SYN3: variants seen among roughly 807,000 people sequenced by gnomAD.
SYN3 encodes the protein synapsin III.
A neutral mutation model predicts 65.8 loss-of-function variants in SYN3; 35 were observed. The ratio of observed to expected loss-of-function variants is 0.53; its 90% confidence interval spans 0.41 to 0.70. The LOEUF is 0.70. SYN3 is among the 30% of genes least tolerant of loss of function. SYN3 has a pLI of 0.00. For missense variants in SYN3, 680 were observed against 749.0 expected, an observed-to-expected ratio of 0.91 and a Z score of 1.08; for synonymous variants, 270 against 292.9, an observed-to-expected ratio of 0.92 and a Z score of 0.80.
rs2046607202 is a variant in SYN3 at position 32,802,202 on chromosome 22, C to T, written c.711+62713G>A. On this transcript the variant is annotated intron_variant, in intron 6 of 13. Coordinates refer to ENST00000358763, the MANE Select transcript of SYN3 (RefSeq NM_003490.4). ...CTGCTTAGGGAGGCAGGGCGAGCCC[C>T]ACTCCTTTCCTCTGCCCCAGGAGAG... The T allele has an allele frequency of 4.0e-6, 6 of 1,513,130 alleles. No homozygotes were observed. The South Asian group carries it at 7.4e-5, about 19-fold the overall frequency. 93.7% of individuals were successfully genotyped at this position (1,513,130 alleles called of 1,614,324 possible).
chr22:32,770,320 T>C (rs894351626), intron 6 of SYN3, among the ~76,000 whole-genome samples: 1 of 152,172 alleles, frequency 6.6e-6, no homozygotes, highest in African/African-American at 2.4e-5. Context: ...CCTTCAGATG[T>C]AAGTCAAATG....
At position 32,989,220 on chromosome 22, in the gene SYN3, T is replaced by G. The variant is rs62234229; in HGVS notation, c.312-8518A>C. Among the ~76,000 whole-genome samples the G allele has an allele frequency of 4.9e-3, 750 of 152,320 alleles. 2 individuals are homozygous for G. Among genetic ancestry groups the G allele is most frequent in the Middle Eastern group, 0.014 (4 of 294 alleles). On this transcript the variant is annotated intron_variant, in intron 2 of 13. Coordinates refer to ENST00000358763, the MANE Select transcript of SYN3 (RefSeq NM_003490.4). ...AGGCCAGTGTCAACCTTCCTGAACC[T>G]TGGTTTCCTTAACTGTAAAAATAAG...
chr22:32,516,749 C>T (rs564880937), intron 13 of SYN3, among the ~76,000 whole-genome samples: 4 of 152,310 alleles, frequency 2.6e-5, no homozygotes, highest in African/African-American at 4.8e-5. Flanking sequence ...GACTGGATGT[C>T]GTGGGTCTAA....
chr22:32,981,331 A>G (rs1244814569), intron 2 of SYN3, among the ~76,000 whole-genome samples: 3 of 150,362 alleles, frequency 2.0e-5, no homozygotes, highest in African/African-American at 4.9e-5. Context: ...CACGCCTGTA[A>G]TCCCAGCACT....
intron 8 of SYN3, among the ~76,000 whole-genome samples, chr22:32,539,483 GA>G (rs150198585): frequency 0.048 from 6,763 of 142,110 alleles, 186 homozygotes; most frequent in Non-Finnish European, 0.07. Context: ...GGAACATATA[GA>G]AAAAATTATG....
intron 7 of SYN3, among the ~76,000 whole-genome samples, chr22:32,568,412 G>A (rs2058701921): frequency 6.6e-6 from 1 of 152,188 alleles, no homozygotes; most frequent in South Asian, 2.1e-4. Flanking sequence ...TTCTAGTCAG[G>A]GAAATGGAAA....
At chr22:32,686,057 G>A (rs5998577) in intron 6 of SYN3, among the ~76,000 whole-genome samples, 27,078 of 152,044 alleles carry the variant, frequency 0.18, 2,513 homozygotes, top group South Asian at 0.27. Flanking sequence ...TTTTCTCTGG[G>A]TATTGGAATT....
intron 4 of SYN3, among the ~76,000 whole-genome samples, chr22:32,913,857 A>C (rs1212886597): frequency 6.6e-6 from 1 of 152,204 alleles, no homozygotes; most frequent in African/African-American, 2.4e-5. Context: ...AGGAACAAAT[A>C]AAAATAGCAA....
At position 32,573,256 on chromosome 22, in the gene SYN3, A is replaced by C. The variant is rs557370835; in HGVS notation, c.774+23418T>G. Reference sequence around the variant, plus strand: ...TTGATTGTCATTTTGTTAAAATAAAATATTTAAAAGCTTGACTTTAAAGCA... The same window carrying C: ...TTGATTGTCATTTTGTTAAAATAAACTATTTAAAAGCTTGACTTTAAAGCA... On this transcript the variant is annotated intron_variant, in intron 7 of 13. Coordinates refer to ENST00000358763, the MANE Select transcript of SYN3 (RefSeq NM_003490.4). Among the ~76,000 whole-genome samples, 12 of 152,318 alleles carry C rather than the reference A, an allele frequency of 7.9e-5. No individual in the cohort carries two copies. The South Asian group carries it at 2.5e-3, about 32-fold the overall frequency.
At chr22:32,640,671 C>T (rs1030538822) in intron 6 of SYN3, among the ~76,000 whole-genome samples, 5 of 151,972 alleles carry the variant, frequency 3.3e-5, no homozygotes, top group Admixed American at 6.6e-5. Flanking sequence ...TCGAGACCAT[C>T]CTGGCTGACA....
chr22:32,742,936 T>G (rs1167128857), intron 6 of SYN3, among the ~76,000 whole-genome samples: 1 of 152,168 alleles, frequency 6.6e-6, no homozygotes, highest in African/African-American at 2.4e-5. Context: ...AAATCCTCAC[T>G]AAGACCCTAT....
At chr22:32,787,550 G>A (rs771173288) in intron 6 of SYN3, among the ~76,000 whole-genome samples, 4 of 152,172 alleles carry the variant, frequency 2.6e-5, no homozygotes, top group Non-Finnish European at 5.9e-5. Context: ...TTGTTGTGAA[G>A]ATTCACTATT....
intron 6 of SYN3, among the ~76,000 whole-genome samples, chr22:32,622,701 CT>C (rs1170700519): frequency 7.6e-6 from 1 of 131,542 alleles, no homozygotes; most frequent in African/African-American, 3.0e-5. Context: ...TGCAAAGGGG[CT>C]GTGGATCTCC....
At chr22:32,667,157 T>C (rs1361944126) in intron 6 of SYN3, among the ~76,000 whole-genome samples, 7 of 151,792 alleles carry the variant, frequency 4.6e-5, no homozygotes, top group African/African-American at 1.2e-4. Context: ...CTTCCTCCCT[T>C]CCTTCCTTCC....
intron 3 of SYN3, among the ~76,000 whole-genome samples, chr22:32,970,200 G>A (rs2051974231): frequency 6.6e-6 from 1 of 152,082 alleles, no homozygotes; most frequent in African/African-American, 2.4e-5. Flanking sequence ...ACAACTATAT[G>A]CGCACTTACT....
At chr22:32,665,489 G>GTA (rs130731) in intron 6 of SYN3, among the ~76,000 whole-genome samples, 6,305 of 141,246 alleles carry the variant, frequency 0.045, 348 homozygotes, top group East Asian at 0.31. Context: ...CACAGTGTGT[G>GTA]TATATATATA....
chr22:33,036,495 G>A (rs765257397), intron 1 of SYN3, among the ~76,000 whole-genome samples: 1 of 151,998 alleles, frequency 6.6e-6, no homozygotes, highest in African/African-American at 2.4e-5. Flanking sequence ...ATTAATCACT[G>A]ATAACTTTAA....
chr22:32,937,007 C>A (rs1355681258), intron 3 of SYN3, among the ~76,000 whole-genome samples: 1 of 152,156 alleles, frequency 6.6e-6, no homozygotes, highest in South Asian at 2.1e-4. Context: ...AAAACTAAAC[C>A]ACTGTTTAAA....
intron 6 of SYN3, among the ~76,000 whole-genome samples, chr22:32,785,301 C>T (rs779928368): frequency 6.6e-6 from 1 of 152,104 alleles, no homozygotes; most frequent in Admixed American, 6.6e-5. Context: ...TTACAACTTG[C>T]CATTTTTTTC....
Sources: gnomAD v4.1 joint callset for allele counts (sites outside exome capture counted in the v4.1 genomes callset) on GRCh38, gnomAD v4.1.1 for gene constraint, MANE v1.5 for transcripts, NCBI Gene and HGNC (gene_info 2026-07-23, HGNC 2026-07-21) for gene names.